Variants in CHD8 observed in about 807,000 individuals in gnomAD.
The protein encoded by CHD8 is ATP-dependent chromatin remodeler CHD8.
CHD8 carries 31 observed loss-of-function variants against 279.2 expected under a neutral mutation model. That is an observed-to-expected ratio of 0.11 (90% confidence interval 0.08 to 0.15). The LOEUF (loss-of-function observed/expected upper bound fraction) is 0.15, where lower values mean the gene tolerates loss of function less well. Among genes scored for constraint, CHD8 ranks in the 10% least tolerant of loss-of-function variants. CHD8 has a pLI of 1.00. For synonymous variants in CHD8, 1,081 were observed against 1,139.6 expected (o/e 0.95, Z 1.04); for missense variants, 2,146 against 3,230.5 (o/e 0.66, Z 8.14).
intron 2 of CHD8, chr14:21,430,544 G>A: frequency 2.4e-6 from 1 of 419,228 alleles, no homozygotes; most frequent in Non-Finnish European, 4.3e-6. Context: ...AGCTCTGTAA[G>A]GACAGGGACT....
At chr14:21,395,274 A>G (rs765965566) in intron 29 of CHD8, 24 bp downstream of exon 29, 3 of 1,585,414 alleles carry the variant, frequency 1.9e-6, no homozygotes, top group Non-Finnish European at 2.6e-6. Context: ...ACACAGAATT[A>G]TACTAGTTGA....
intron 26 of CHD8, chr14:21,398,225 T>C (rs1369319660): frequency 5.9e-6 from 1 of 169,396 alleles, no homozygotes; most frequent in Non-Finnish European, 1.2e-5. Context: ...TTGCCTGCAG[T>C]TTTATTTATT....
At chr14:21,419,587 A>G (rs1280088406) in intron 5 of CHD8, 1 of 155,176 alleles carries the variant, frequency 6.4e-6, no homozygotes, top group Non-Finnish European at 1.4e-5. Flanking sequence ...AGAAAACAAA[A>G]AAAATAATCC....
At chr14:21,410,674 C>T (rs1225726360) in intron 10 of CHD8, among the ~76,000 whole-genome samples, 2 of 152,238 alleles carry the variant, frequency 1.3e-5, no homozygotes, top group African/African-American at 4.8e-5. Context: ...GATCACTGCA[C>T]TTACTGCATC....
At chr14:21,452,064 C>T (rs909309189) in intron 1 of CHD8, among the ~76,000 whole-genome samples, 7 of 152,140 alleles carry the variant, frequency 4.6e-5, no homozygotes, top group African/African-American at 1.7e-4. Flanking sequence ...TGTTTTGAGA[C>T]AGAGTCTCGC....
At chr14:21,455,331 G>C (rs562681282) in intron 1 of CHD8, among the ~76,000 whole-genome samples, 1 of 152,284 alleles carries the variant, frequency 6.6e-6, no homozygotes, top group African/African-American at 2.4e-5. Context: ...CGACACTAGA[G>C]ACAGGTAAAT....
chr14:21,401,559 G>A (rs1310823694), intron 20 of CHD8, 46 bp from the exon 21 acceptor site: 6 of 1,024,510 alleles, frequency 5.9e-6, no homozygotes, highest in Non-Finnish European at 4.3e-6. Flanking sequence ...TTTTTTTTAA[G>A]TGGTGCAAAA....
chr14:21,436,863 C>T, intron 1 of CHD8: 2 of 832,744 alleles, frequency 2.4e-6, no homozygotes, highest in Non-Finnish European at 3.2e-6. Flanking sequence ...GAGGAAAACG[C>T]GACTGGGGTG....
intron 37 of CHD8, among the ~76,000 whole-genome samples, chr14:21,387,062 A>G (rs1887282117): frequency 6.6e-6 from 1 of 152,254 alleles, no homozygotes; most frequent in Non-Finnish European, 1.5e-5. Flanking sequence ...TAAAAAACTT[A>G]CATATCTGAA....
chr14:21,423,788 T>C, intron 5 of CHD8, among the ~76,000 whole-genome samples: 1 of 152,232 alleles, frequency 6.6e-6, no homozygotes, highest in East Asian at 1.9e-4. Flanking sequence ...AACACTGTTA[T>C]ATGTGCTTTA....
chr14:21,386,274 G>C (rs1458661509), intron 37 of CHD8, 98 bp from the exon 38 acceptor site: 11 of 1,194,028 alleles, frequency 9.2e-6, no homozygotes, highest in Non-Finnish European at 1.3e-5. Context: ...CTTTTTTACT[G>C]AATGTACCTT....
At position 21,431,767 on chromosome 14, in the gene CHD8, C is replaced by CGG. The variant is rs1889574544; in HGVS notation, c.-125_-124insCC. On this transcript the variant is annotated 5_prime_UTR_variant, in exon 2 of 38. The change abolishes the stop of an existing upstream ORF in the 5' untranslated region. Coordinates refer to ENST00000646647, the MANE Select transcript of CHD8 (RefSeq NM_001170629.2). ...TACACAATGTAAGAGGACTACTCTT[C>CGG]AAGTATAGAGGCAAGAAACAAGTGC... The CGG allele has an allele frequency of 6.2e-7, 1 of 1,612,982 alleles. No homozygotes were observed. Among genetic ancestry groups the CGG allele is most frequent in the Non-Finnish European group, 8.5e-7 (1 of 1,179,210 alleles).
intron 1 of CHD8, among the ~76,000 whole-genome samples, chr14:21,439,428 C>CTA (rs1199804871): frequency 5.3e-5 from 8 of 152,164 alleles, no homozygotes; most frequent in Non-Finnish European, 1.0e-4. Context: ...GATTCTCTTA[C>CTA]AATATATAAC....
rs372976584 is a variant in CHD8, at chr14:21,400,316, G to T, written c.4571-9C>A. ...CACAGGGATAGATAGACCTGGGAAA[G>T]GGGAGACATCAAAGACTTGGATTGA... On this transcript the variant is annotated splice_polypyrimidine_tract_variant and intron_variant, in intron 23 of 37. Transcript: ENST00000646647. The surrounding 1 kb of genome is among the most constrained non-coding windows in gnomAD (Gnocchi z 4.2). 6.2e-7 allele frequency: 1 copy of T among 1,613,696 alleles called. No homozygotes were observed.
At chr14:21,447,080 C>G (rs1890140497) in intron 1 of CHD8, among the ~76,000 whole-genome samples, 1 of 152,178 alleles carries the variant, frequency 6.6e-6, no homozygotes, top group Non-Finnish European at 1.5e-5. Context: ...AATGGCTTCC[C>G]TCACTCAGAC....
At position 21,400,612 on chromosome 14, in the gene CHD8, A is replaced by C; in HGVS notation, c.4371T>G (p.Gly1457=). Residue 1457 remains glycine (G), a splice_region_variant and synonymous_variant, in exon 23 of 38, where the codon GGT becomes GGG. Coordinates refer to ENST00000646647, the MANE Select transcript of CHD8 (RefSeq NM_001170629.2). The surrounding 1 kb of genome is among the most constrained non-coding windows in gnomAD (Gnocchi z 4.2). ...ATAAAATATCTCGCCATCGTCCCCA[A>C]CTAAAAAACAGAAAACTATATTAAC... ...FRVEKHLLVY[G]WGRWRDILSH... 1 of 1,567,104 alleles carries C rather than the reference A, an allele frequency of 6.4e-7. No homozygotes were observed. Among genetic ancestry groups the C allele is most frequent in the Non-Finnish European group, 8.6e-7 (1 of 1,164,316 alleles).
chr14:21,431,464 A>T lies in CHD8; in HGVS notation c.180T>A (p.Asn60Lys). The change falls in exon 2 of 38, where the codon AAT (asparagine) becomes AAA (lysine). Residue 60 changes from asparagine to lysine, a missense_variant. Around this residue, in one of 26 missense-constraint regions of CHD8, gnomAD observed 302 missense variants for 325.5 expected, o/e 0.93. Coordinates refer to ENST00000646647, the MANE Select transcript of CHD8 (RefSeq NM_001170629.2). ...GAGGGACCAGTTCACTTGCTGATGA[A>T]TTCCCCACATCACCACCTCCACCAT... ...NQDGGGGDVG[N>K]SSASELVPPP... 1 of 1,537,072 alleles carries T rather than the reference A, an allele frequency of 6.5e-7. No individual in the cohort carries two copies. Among genetic ancestry groups the T allele is most frequent in the Non-Finnish European group, 8.7e-7 (1 of 1,146,854 alleles).
chr14:21,390,248 A>C (rs563936246), intron 37 of CHD8, among the ~76,000 whole-genome samples: 105 of 152,224 alleles, frequency 6.9e-4, no homozygotes, highest in African/African-American at 2.5e-3. Flanking sequence ...AAAAACAGAA[A>C]ACTTAAGAAA....
At chr14:21,455,184 G>A (rs555639494) in intron 1 of CHD8, 1 of 152,290 alleles carries the variant, frequency 6.6e-6, no homozygotes, top group East Asian at 1.9e-4. Context: ...TTTGACTTCT[G>A]GCTCACTTTG....
Sources: gnomAD v4.1 joint callset for allele counts (sites outside exome capture counted in the v4.1 genomes callset) on GRCh38, gnomAD v4.1.1 for gene constraint, gnomAD v4.1.1 regional missense constraint, Gnocchi (gnomAD v3.1) non-coding constraint, MANE v1.5 for transcripts, NCBI Gene and HGNC (gene_info 2026-07-23, HGNC 2026-07-21) for gene names.